Variants in SYNE1 observed in about 807,000 individuals in gnomAD.
The protein encoded by SYNE1 is spectrin repeat containing nuclear envelope protein 1, also known as nesprin-1.
A neutral mutation model predicts 1,111.0 loss-of-function variants in SYNE1; 616 were observed. That is an observed-to-expected ratio of 0.55 (90% CI 0.52 to 0.59). The LOEUF (loss-of-function observed/expected upper bound fraction) is 0.59. Among genes scored for constraint, SYNE1 ranks in the 20% least tolerant of loss-of-function variants. The pLI, the probability that SYNE1 is intolerant of heterozygous loss-of-function variation, is 0.00. For missense variants in SYNE1, 10,006 were observed against 10,417.0 expected (o/e 0.96, Z 1.72); for synonymous variants, 3,855 against 3,825.8 (o/e 1.01, Z -0.28).
intron 64 of SYNE1, among the ~76,000 whole-genome samples, chr6:152,361,242 G>T (rs903856915): frequency 6.6e-6 from 1 of 152,200 alleles, no homozygotes; most frequent in Non-Finnish European, 1.5e-5. Flanking sequence ...GAGGAGGCTG[G>T]GAGCATGAAG....
At chr6:152,143,470 A>G (rs776314814) in intron 138 of SYNE1, among the ~76,000 whole-genome samples, 153 bp downstream of exon 138, 20 of 152,218 alleles carry the variant, frequency 1.3e-4, no homozygotes, top group Non-Finnish European at 2.2e-4. Flanking sequence ...GTAACTTAAT[A>G]ACAGGGCTTG....
At chr6:152,404,566 A>AT (rs2097866216) in intron 45 of SYNE1, among the ~76,000 whole-genome samples, 1 of 149,524 alleles carries the variant, frequency 6.7e-6, no homozygotes. Flanking sequence ...GGAAAAAAAA[A>AT]CCTCCTGGAA....
Position 152,325,968 on chromosome 6 carries a change from G to T in SYNE1, c.15428C>A (p.Ser5143Ter). 1 of 1,614,076 alleles carries T rather than the reference G, an allele frequency of 6.2e-7. No individual in the cohort carries two copies. Among genetic ancestry groups the T allele is most frequent in the South Asian group, 1.1e-5 (1 of 91,070 alleles). ...GCCCAAAACTCTGACCTTGTGTTCTGACAATTTTTCTTCCGCTTCATGACT... is the reference window on the plus strand; with the variant it reads ...GCCCAAAACTCTGACCTTGTGTTCTTACAATTTTTCTTCCGCTTCATGACT... ...SSSHEAEEKL[S>*]EHKALVSVVN... The change falls in exon 80 of 146, where the codon TCA (serine) becomes TAA (stop). Residue 5143 changes from serine to a stop codon, truncating the protein, a stop_gained. Coordinates refer to ENST00000367255, the MANE Select transcript of SYNE1 (RefSeq NM_182961.4). LOFTEE classifies it high-confidence loss of function.
rs1344816929 is a variant in SYNE1 at position 152,334,232 on chromosome 6, G to A, written c.12570C>T (p.Asn4190=). The A allele has an allele frequency of 6.2e-7, 1 of 1,613,940 alleles. No homozygotes were observed. The highest frequency in any genetic ancestry group is 1.1e-5 in the South Asian group (1 of 91,080). The change falls in exon 77 of 146, where the codon AAC becomes AAT. Residue 4190 remains asparagine, a synonymous_variant. Coordinates refer to ENST00000367255, the MANE Select transcript of SYNE1 (RefSeq NM_182961.4). ...KKLQSKQASV[N]TIIEKVNKLT... ...ACTTATTCACCTTTTCTATTATGGT[G>A]TTCACGGATGCCTGTTTGCTCTGTA... is the stretch of plus-strand genomic sequence containing the variant.
At chr6:152,481,277 C>T (rs74436845) in intron 14 of SYNE1, 4 of 245,190 alleles carry the variant, frequency 1.6e-5, no homozygotes, top group East Asian at 9.6e-5. Context: ...GCCTGGACCT[C>T]GTCTGTGCCC....
intron 121 of SYNE1, among the ~76,000 whole-genome samples, chr6:152,215,565 C>A (rs920246217): frequency 1.3e-5 from 2 of 152,102 alleles, no homozygotes; most frequent in Non-Finnish European, 2.9e-5. Flanking sequence ...AAGTAAAAGA[C>A]CTTACTTCTT....
At position 152,628,520 on chromosome 6, in the gene SYNE1, G is replaced by A. The variant is rs899607784; in HGVS notation, c.-189C>T. 3.5e-5 allele frequency: 22 copies of A among 629,162 alleles called. No individual in the cohort carries two copies. The highest frequency in any genetic ancestry group is 5.5e-5 in the African/African-American group (3 of 54,256). The allele number at this position is 629,162 out of a possible 1,614,324, so 39.0% of individuals were successfully genotyped here. On this transcript the variant is annotated 5_prime_UTR_variant, in exon 3 of 146. It adds an upstream start codon to the 5' untranslated region. Coordinates refer to ENST00000367255, the MANE Select transcript of SYNE1 (RefSeq NM_182961.4). ...CTGAACTGCTTCTTTTTCTTCTTCCGTTTTAAGACTGTCCTCTTACATGAA... is the reference window on the plus strand; with the variant it reads ...CTGAACTGCTTCTTTTTCTTCTTCCATTTTAAGACTGTCCTCTTACATGAA...
Position 152,243,450 on chromosome 6 carries a change from T to G in SYNE1, c.19693-1010A>C, listed in dbSNP as rs559793552. Among the ~76,000 whole-genome samples the G allele has an allele frequency of 9.2e-5, 14 of 152,308 alleles. No homozygotes were observed. In the South Asian group the frequency reaches 2.9e-3, roughly 32 times the overall value. ...ATGACACACCAAACACAAAATTTAT[T>G]TGAGGCATACGGACCTGATTAACAT... On this transcript the variant is annotated intron_variant, in intron 106 of 145. Coordinates refer to ENST00000367255, the MANE Select transcript of SYNE1 (RefSeq NM_182961.4).
At chr6:152,447,413 G>A in intron 29 of SYNE1, 45 bp downstream of exon 29, 1 of 1,599,114 alleles carries the variant, frequency 6.3e-7, no homozygotes, top group South Asian at 1.1e-5. Flanking sequence ...CCTTCCAGAT[G>A]CCTCACTCAG....
Position 152,451,047 on chromosome 6 carries a change from C to A in SYNE1, c.3186G>T (p.Arg1062Ser). Residue 1062 changes from arginine (R) to serine (S), a missense_variant and splice_region_variant, in exon 26 of 146, where the codon AGG (arginine) becomes AGT (serine). This residue lies in a region of SYNE1 where 1,971 missense variants were observed against 2,084.1 expected (regional missense o/e 0.95). Coordinates refer to ENST00000367255, the MANE Select transcript of SYNE1 (RefSeq NM_182961.4). ...EGSEKIIKEH[R>S]VFFSDKGPHH... ...CCACATTGTGGTGTGGGAGACGTAC[C>A]CTGTGCTCTTTAATTATCTTTTCAC... 4 of 1,614,060 alleles carry A rather than the reference C, an allele frequency of 2.5e-6. No individual in the cohort carries two copies. The highest frequency in any genetic ancestry group is 3.4e-6 in the Non-Finnish European group (4 of 1,180,008).
intron 3 of SYNE1, among the ~76,000 whole-genome samples, chr6:152,617,787 A>C (rs2099662868): frequency 6.6e-6 from 1 of 152,206 alleles, no homozygotes; most frequent in South Asian, 2.1e-4. Flanking sequence ...TGGTGGTATT[A>C]GGAAAGGCTT....
In SYNE1 at chr6:152,467,690, G is replaced by T. The variant is rs1367660076; in HGVS notation, c.1633-1612C>A. On this transcript the variant is annotated intron_variant, in intron 16 of 145. Coordinates refer to ENST00000367255, the MANE Select transcript of SYNE1 (RefSeq NM_182961.4). The stretch of plus-strand genomic sequence containing the variant: ...GGTCCACGAGGCAGGAAAGAGGGGA[G>T]AATGTTTTCAGAAAGAATGTTTTAT... 2.6e-5 allele frequency among the ~76,000 whole-genome samples: 4 copies of T among 152,198 alleles called. No homozygotes were observed. The East Asian group carries it at 7.7e-4, about 29-fold the overall frequency.
At chr6:152,617,983 A>G (rs1259645752) in intron 3 of SYNE1, among the ~76,000 whole-genome samples, 1 of 152,226 alleles carries the variant, frequency 6.6e-6, no homozygotes, top group South Asian at 2.1e-4. Flanking sequence ...AATCGAAGTC[A>G]GGCAATGGAC....
Position 152,526,722 on chromosome 6 carries a change from T to G in SYNE1, c.130-547A>C, listed in dbSNP as rs373070939. ...TTGCAGGTTCAATCTTCCTGTGGGT[T>G]AGTTAGCTGTTATGTTGTGTTCTAC... On this transcript the variant is annotated intron_variant, in intron 4 of 145. Coordinates refer to ENST00000367255, the MANE Select transcript of SYNE1 (RefSeq NM_182961.4). 4.6e-5 allele frequency among the ~76,000 whole-genome samples: 7 copies of G among 152,180 alleles called. No individual in the cohort carries two copies. In the South Asian group the frequency reaches 1.2e-3, roughly 27 times the overall value.
intron 87 of SYNE1, among the ~76,000 whole-genome samples, chr6:152,312,020 G>A (rs986402502): frequency 6.6e-5 from 10 of 152,146 alleles, no homozygotes; most frequent in Non-Finnish European, 1.0e-4. Flanking sequence ...TCCTGACCTC[G>A]TGATCCGCAG....
intron 16 of SYNE1, among the ~76,000 whole-genome samples, chr6:152,469,082 C>CT (rs1200073569): frequency 6.6e-6 from 1 of 151,996 alleles, no homozygotes; most frequent in Non-Finnish European, 1.5e-5. Flanking sequence ...GCCCCCAGCC[C>CT]TTTTTTGGGG....
At position 152,391,585 on chromosome 6, in the gene SYNE1, A is replaced by AAAAAAAAAAAAAAAAAG; in HGVS notation, c.7713-18_7713-17insCTTTTTTTTTTTTTTTT. 1 of 1,565,974 alleles carries AAAAAAAAAAAAAAAAAG rather than the reference A, an allele frequency of 6.4e-7. No homozygotes were observed. The highest frequency in any genetic ancestry group is 1.5e-5 in the African/African-American group (1 of 68,320). ...AGAGACTCTCTGAAAAAAAGGAAAAAAAAAAAAAAGAAAAAAAATTAATTC... is the reference window on the plus strand; with the variant it reads ...AGAGACTCTCTGAAAAAAAGGAAAAAAAAAAAAAAAAAAAAAGAAAAAAAAAGAAAAAAAATTAATTC... On this transcript the variant is annotated splice_polypyrimidine_tract_variant and intron_variant, in intron 51 of 145. Coordinates refer to ENST00000367255, the MANE Select transcript of SYNE1 (RefSeq NM_182961.4).
intron 3 of SYNE1, among the ~76,000 whole-genome samples, chr6:152,550,773 G>C (rs1447420631): frequency 6.6e-6 from 1 of 152,064 alleles, no homozygotes; most frequent in Non-Finnish European, 1.5e-5. Flanking sequence ...TGCTGCCACA[G>C]ACTCTGATTG....
chr6:152,276,451 T>C (rs1589197821), intron 98 of SYNE1, among the ~76,000 whole-genome samples: 1 of 151,994 alleles, frequency 6.6e-6, no homozygotes. Flanking sequence ...TTCTAAATAG[T>C]TTTTAGTTGA....
Sources: allele counts gnomAD v4.1 joint callset (sites outside exome capture counted in the v4.1 genomes callset), GRCh38; gene constraint gnomAD v4.1.1; regional missense constraint gnomAD v4.1.1; transcripts MANE v1.5; gene names NCBI Gene and HGNC (gene_info 2026-07-23, HGNC 2026-07-21).